Variants in WNT5A observed in about 807,000 individuals in gnomAD.
The protein encoded by WNT5A is protein Wnt-5a.
WNT5A carries 9 observed loss-of-function variants against 42.1 expected under a neutral mutation model. The observed-to-expected ratio is 0.21, with a 90% CI of 0.13 to 0.37. WNT5A has a LOEUF of 0.37. WNT5A is among the 10% of genes least tolerant of loss of function. WNT5A has a pLI of 1.00. For synonymous variants in WNT5A, 210 were observed against 210.0 expected (o/e 1.00, Z 0.00); for missense variants, 426 against 534.0 (o/e 0.80, Z 1.99).
chr3:55,486,862 G>C (rs1192252754), intron 1 of WNT5A, 118 bp downstream of exon 1: 2 of 799,572 alleles, frequency 2.5e-6, no homozygotes, highest in East Asian at 2.6e-5. Flanking sequence ...TGGAGTTCCA[G>C]CTTCTTCAGG....
At chr3:55,486,833 G>A (rs2051586945) in intron 1 of WNT5A, 147 bp downstream of exon 1, 6 of 725,098 alleles carry the variant, frequency 8.3e-6, no homozygotes, top group South Asian at 7.4e-5. Context: ...GAAGGGGTAG[G>A]GGTTCCTGCC....
chr3:55,503,598 C>T, the WNT5A span, among the ~76,000 whole-genome samples: 5 of 152,188 alleles, frequency 3.3e-5, no homozygotes, highest in Middle Eastern at 3.2e-3. Context: ...AGAGAAATGG[C>T]AAGTATACCC....
chr3:55,501,877 G>C, the WNT5A span: 1 of 152,236 alleles, frequency 6.6e-6, no homozygotes, highest in African/African-American at 2.4e-5. Flanking sequence ...ATTCCTTTCT[G>C]TCCACCTGAG....
At chr3:55,482,187 G>A (rs1010057381) in intron 1 of WNT5A, among the ~76,000 whole-genome samples, 2 of 152,248 alleles carry the variant, frequency 1.3e-5, no homozygotes, top group Non-Finnish European at 2.9e-5. Flanking sequence ...TGGGCGCATC[G>A]ATTCCAGGGC....
At chr3:55,504,179 G>C in the WNT5A span, among the ~76,000 whole-genome samples, 1 of 152,014 alleles carries the variant, frequency 6.6e-6, no homozygotes, top group Non-Finnish European at 1.5e-5. Context: ...GGCTGAGGCA[G>C]GATTGCTTGA....
chr3:55,470,534 G>A lies in WNT5A; in HGVS notation c.701C>T (p.Ala234Val). Residue 234 changes from alanine (A) to valine (V), a missense_variant, in exon 5 of 5, where the codon GCT becomes GTT. Ala to Val is a moderately conservative substitution (Grantham distance 64). This residue lies in a region of WNT5A where 358 missense variants were observed against 468.1 expected (regional missense o/e 0.76). Coordinates refer to ENST00000264634, the MANE Select transcript of WNT5A (RefSeq NM_003392.7). ...CCCATGGCACTTGCAGGCCACATCAGCCAGGTTGTACACCGTCTGCAGGGA... is the reference window on the plus strand; with the variant it reads ...CCCATGGCACTTGCAGGCCACATCAACCAGGTTGTACACCGTCTGCAGGGA... ...EAGRRTVYNL[A>V]DVACKCHGVS... 6.4e-7 allele frequency: 1 copy of A among 1,563,350 alleles called. No individual in the cohort carries two copies. The highest frequency in any genetic ancestry group is 1.8e-5 in the Admixed American group (1 of 56,536).
chr3:55,491,910 C>G (rs1231268507), upstream of WNT5A, among the ~76,000 whole-genome samples: 1 of 152,214 alleles, frequency 6.6e-6, no homozygotes, highest in Non-Finnish European at 1.5e-5. Flanking sequence ...GGAAAGGGGT[C>G]GGGGGCTTCC....
the WNT5A span, among the ~76,000 whole-genome samples, chr3:55,497,837 C>A: frequency 6.6e-6 from 1 of 151,602 alleles, no homozygotes; most frequent in African/African-American, 2.4e-5. Flanking sequence ...AAGGGAAGAG[C>A]CAAGAGAGGT....
intron 3 of WNT5A, among the ~76,000 whole-genome samples, chr3:55,476,893 TG>T (rs984830791): frequency 1.5e-4 from 23 of 152,090 alleles, no homozygotes; most frequent in African/African-American, 5.6e-4. Context: ...AAGAGACAGA[TG>T]GGGACAAAAG....
intron 3 of WNT5A, chr3:55,479,064 AAT>A (rs1464016124): frequency 3.0e-6 from 1 of 329,612 alleles, no homozygotes; most frequent in Non-Finnish European, 5.4e-6. Context: ...TTTATAGAAA[AAT>A]TAAGTGTTTG....
chr3:55,476,718 T>G (rs999783372), intron 3 of WNT5A, among the ~76,000 whole-genome samples: 3 of 152,232 alleles, frequency 2.0e-5, no homozygotes, highest in Non-Finnish European at 4.4e-5. Flanking sequence ...AACGTCAGTT[T>G]GAAAAGTATT....
chr3:55,474,489 GC>G lies in WNT5A; in HGVS notation c.531del (p.Trp177CysfsTer42). 1 of 1,596,604 alleles carries G rather than the reference GC, an allele frequency of 6.3e-7. No homozygotes were observed. Among genetic ancestry groups the G allele is most frequent in the Non-Finnish European group, 8.5e-7 (1 of 1,173,086 alleles). On this transcript the variant is annotated frameshift_variant, in exon 4 of 5. Coordinates refer to ENST00000264634, the MANE Select transcript of WNT5A (RefSeq NM_003392.7). LOFTEE classifies it high-confidence loss of function. ...ATGTTGTCGCCGCAGCCGCCCCAGA[GC>G]CAGTCCCGCGGCAGGTCCTTGGGGC... is the stretch of plus-strand genomic sequence containing the variant. Reference protein sequence around the residue: ...AARPKDLPRDWLWGGCGDNID... With the variant: ...AARPKDLPRDXLWGGCGDNID...
In WNT5A at chr3:55,470,311, G is replaced by A. The variant is rs1050351761; in HGVS notation, c.924C>T (p.Tyr308=). The part of the protein sequence containing the change: ...DLVYIDPSPD[Y]CVRNESTGSL... ...AGCCGGTGCTCTCATTGCGCACGCAGTAGTCAGGGCTGGGGTCGATGTAGA... is the reference window on the plus strand; with the variant it reads ...AGCCGGTGCTCTCATTGCGCACGCAATAGTCAGGGCTGGGGTCGATGTAGA... The change falls in exon 5 of 5, where the codon TAC becomes TAT. Residue 308 remains tyrosine (Y), a synonymous_variant. Transcript: ENST00000264634. 6.2e-7 allele frequency: 1 copy of A among 1,614,074 alleles called. No homozygotes were observed. The highest frequency in any genetic ancestry group is 8.5e-7 in the Non-Finnish European group (1 of 1,179,914).
chr3:55,487,210 G>A lies in WNT5A; in HGVS notation c.-225C>T. 2 of 512,006 alleles carry A rather than the reference G, an allele frequency of 3.9e-6. No homozygotes were observed. Among genetic ancestry groups the A allele is most frequent in the Non-Finnish European group, 6.8e-6 (2 of 294,260 alleles). 31.7% of individuals were successfully genotyped at this position (512,006 alleles called of 1,614,324 possible). On this transcript the variant is annotated 5_prime_UTR_variant, in exon 1 of 5. Transcript: ENST00000264634. ...GAGCTGGGATGCGCCCAGGAATGGA[G>A]GGGGCGCGGACGCGCGCGAGCCGGC...
chr3:55,486,372 C>G (rs2051578646), intron 1 of WNT5A, among the ~76,000 whole-genome samples: 1 of 152,206 alleles, frequency 6.6e-6, no homozygotes. Context: ...GCTGGCCCCC[C>G]GCCAGGCACT....
chr3:55,503,812 G>A, the WNT5A span, among the ~76,000 whole-genome samples: 1 of 152,170 alleles, frequency 6.6e-6, no homozygotes, highest in African/African-American at 2.4e-5. Flanking sequence ...AGCTGGGCAT[G>A]GTAGTGCGTA....
the WNT5A span, among the ~76,000 whole-genome samples, chr3:55,503,955 A>G: frequency 6.6e-6 from 1 of 152,106 alleles, no homozygotes; most frequent in Non-Finnish European, 1.5e-5. Context: ...TCCCAAACAA[A>G]CAAACGAACA....
Position 55,487,022 on chromosome 3 carries a change from C to G in WNT5A, c.-37G>C, listed in dbSNP as rs766834717. 15 of 1,607,828 alleles carry G rather than the reference C, an allele frequency of 9.3e-6. No individual in the cohort carries two copies. Among genetic ancestry groups the G allele is most frequent in the Non-Finnish European group, 1.1e-5 (13 of 1,177,098 alleles). The stretch of plus-strand genomic sequence containing the variant: ...GGGGGCGCGGGGAGGAAGTCGCCAC[C>G]CGAGCGAGCGCAGCCGAGGAATCCG... On this transcript the variant is annotated 5_prime_UTR_variant, in exon 1 of 5. Coordinates refer to ENST00000264634, the MANE Select transcript of WNT5A (RefSeq NM_003392.7).
chr3:55,470,226 G>T lies in WNT5A; in HGVS notation c.1009C>A (p.Leu337Ile). The T allele has an allele frequency of 6.2e-7, 1 of 1,614,106 alleles. No homozygotes were observed. The highest frequency in any genetic ancestry group is 8.5e-7 in the Non-Finnish European group (1 of 1,179,978). Residue 337 changes from leucine (L) to isoleucine (I), a missense_variant, in exon 5 of 5, where the codon CTC becomes ATC. Leu to Ile is a conservative substitution (Grantham distance 5). Around this residue, in one of 3 missense-constraint regions of WNT5A, gnomAD observed 358 missense variants for 468.1 expected, o/e 0.76. Transcript: ENST00000264634. Reference protein sequence around the residue: ...KTSEGMDGCELMCCGRGYDQF... With the variant: ...KTSEGMDGCEIMCCGRGYDQF... ...TCGTAGCCACGGCCGCAGCACATGAGCTCGCAGCCATCCATGCCCTCCGAC... is the reference window on the plus strand; with the variant it reads ...TCGTAGCCACGGCCGCAGCACATGATCTCGCAGCCATCCATGCCCTCCGAC...
Sources: gnomAD v4.1 joint callset for allele counts (sites outside exome capture counted in the v4.1 genomes callset) on GRCh38, gnomAD v4.1.1 for gene constraint, gnomAD v4.1.1 regional missense constraint, MANE v1.5 for transcripts, NCBI Gene and HGNC (gene_info 2026-07-23, HGNC 2026-07-21) for gene names.